The following TNIP3 variants were observed in gnomAD, a reference collection of about 807,000 sequenced individuals.
TNIP3 encodes the protein TNFAIP3 interacting protein 3.
In TNIP3, 34 loss-of-function variants were observed where a neutral mutation model predicts 54.1. The observed-to-expected ratio is 0.63, with a 90% CI of 0.48 to 0.84. The LOEUF (loss-of-function observed/expected upper bound fraction) is 0.84, where lower values mean the gene tolerates loss of function less well. Ranked by LOEUF, TNIP3 falls within the 40% of genes least tolerant of loss-of-function variation. TNIP3 has a pLI of 0.00. For missense variants in TNIP3, 366 were observed against 387.6 expected (o/e 0.94, Z 0.47); for synonymous variants, 134 against 136.8 (o/e 0.98, Z 0.14).
At chr4:121,199,290 T>C (rs1394137483) in intron 2 of TNIP3, among the ~76,000 whole-genome samples, 1 of 152,188 alleles carries the variant, frequency 6.6e-6, no homozygotes, top group Non-Finnish European at 1.5e-5. Flanking sequence ...GTTAGTAAAA[T>C]ACTGATAATA....
intron 1 of TNIP3, among the ~76,000 whole-genome samples, chr4:121,225,639 A>G (rs906444366): frequency 6.6e-6 from 1 of 152,250 alleles, no homozygotes; most frequent in Non-Finnish European, 1.5e-5. Context: ...AAAAAGAGCT[A>G]AAGAGTAAAG....
At chr4:121,173,262 G>A (rs142057289) in intron 3 of TNIP3, among the ~76,000 whole-genome samples, 5 of 152,352 alleles carry the variant, frequency 3.3e-5, no homozygotes, top group African/African-American at 9.6e-5. Flanking sequence ...TGGGAATTAA[G>A]CGTTTTTGAG....
intron 3 of TNIP3, among the ~76,000 whole-genome samples, chr4:121,173,149 T>TA (rs1265360416): frequency 6.6e-6 from 1 of 152,218 alleles, no homozygotes; most frequent in East Asian, 1.9e-4. Context: ...TGGGTAGACG[T>TA]AAATAACACA....
intron 5 of TNIP3, 24 bp from the exon 6 acceptor site, chr4:121,150,243 GTT>G (rs1234169685): frequency 7.1e-7 from 1 of 1,414,108 alleles, no homozygotes; most frequent in Admixed American, 1.8e-5. Context: ...TAAGTACACT[GTT>G]GATCTAAGAT....
chr4:121,161,900 C>A (rs1730477319), intron 1 of TNIP3, among the ~76,000 whole-genome samples: 1 of 152,120 alleles, frequency 6.6e-6, no homozygotes, highest in East Asian at 1.9e-4. Context: ...GCTGTGGAAG[C>A]TGTCTGCCAT....
At chr4:121,147,305 G>T in intron 6 of TNIP3, 131 bp from the exon 7 acceptor site, 1 of 1,118,746 alleles carries the variant, frequency 8.9e-7, no homozygotes, top group Non-Finnish European at 1.2e-6. Flanking sequence ...CAGTGTCACT[G>T]TTTTGGAGCA....
intron 3 of TNIP3, among the ~76,000 whole-genome samples, chr4:121,178,908 A>G (rs1579448147): frequency 6.6e-6 from 1 of 152,222 alleles, no homozygotes; most frequent in Non-Finnish European, 1.5e-5. Context: ...GAGAAAACAC[A>G]TAGATACATA....
chr4:121,133,152 A>C (rs1404206114), intron 10 of TNIP3, among the ~76,000 whole-genome samples: 1 of 152,230 alleles, frequency 6.6e-6, no homozygotes, highest in Non-Finnish European at 1.5e-5. Context: ...ATTTTGATTG[A>C]GTACTATTTG....
chr4:121,135,387 C>T lies in TNIP3; in HGVS notation c.947-2725G>A, dbSNP rs535745368. On this transcript the variant is annotated intron_variant, in intron 10 of 10. Coordinates refer to ENST00000057513, the MANE Select transcript of TNIP3 (RefSeq NM_024873.6). ...TTTCAAATGCATGAAGTTACTTCTT[C>T]TTCTTTTTTTTTATTTTTTTTTATT... Among the ~76,000 whole-genome samples, 7 of 152,024 alleles carry T rather than the reference C, an allele frequency of 4.6e-5. No homozygotes were observed. The East Asian group carries it at 1.4e-3, about 29-fold the overall frequency.
At chr4:121,156,590 G>A (rs2148811513) in intron 4 of TNIP3, among the ~76,000 whole-genome samples, 1 of 152,256 alleles carries the variant, frequency 6.6e-6, no homozygotes, top group South Asian at 2.1e-4. Context: ...TGTTAAATGA[G>A]ATAATGAGGA....
chr4:121,135,510 A>T (rs1005136962), intron 10 of TNIP3, among the ~76,000 whole-genome samples: 1 of 151,916 alleles, frequency 6.6e-6, no homozygotes, highest in East Asian at 1.9e-4. Flanking sequence ...TGATCCTCCT[A>T]CCTTAGTCTC....
chr4:121,158,943 G>A lies in TNIP3; in HGVS notation c.148-191C>T, dbSNP rs1424976044. On this transcript the variant is annotated intron_variant, in intron 2 of 10. Coordinates refer to ENST00000057513, the MANE Select transcript of TNIP3 (RefSeq NM_024873.6). ...CACTCTCACTGTTTATAACTGGTTC[G>A]TATATGAAAAACTACTGGCTGGGTC... 4.6e-5 allele frequency among the ~76,000 whole-genome samples: 7 copies of A among 152,258 alleles called. No individual in the cohort carries two copies. In the East Asian group the frequency reaches 5.8e-4, roughly 13 times the overall value.
chr4:121,214,661 A>G (rs1726682268), intron 2 of TNIP3, among the ~76,000 whole-genome samples: 1 of 152,072 alleles, frequency 6.6e-6, no homozygotes, highest in Admixed American at 6.5e-5. Flanking sequence ...TGCTTCTGCT[A>G]CCAAAGGAGG....
chr4:121,194,638 C>T (rs998774305), intron 2 of TNIP3, among the ~76,000 whole-genome samples: 1 of 152,076 alleles, frequency 6.6e-6, no homozygotes. Flanking sequence ...ATGAAATACT[C>T]CCATCATAAT....
intron 2 of TNIP3, among the ~76,000 whole-genome samples, chr4:121,194,690 C>G (rs553040212): frequency 6.6e-6 from 1 of 152,010 alleles, no homozygotes; most frequent in African/African-American, 2.4e-5. Flanking sequence ...TAAACAAAAC[C>G]CCTAAACCTT....
At chr4:121,190,250 T>TTACTCA (rs1417855881) in intron 2 of TNIP3, among the ~76,000 whole-genome samples, 1 of 152,210 alleles carries the variant, frequency 6.6e-6, no homozygotes, top group African/African-American at 2.4e-5. Flanking sequence ...CCTGGCGTGT[T>TTACTCA]TACTCATATT....
intron 3 of TNIP3, among the ~76,000 whole-genome samples, chr4:121,174,776 A>C (rs1724208080): frequency 6.6e-6 from 1 of 152,176 alleles, no homozygotes; most frequent in African/African-American, 2.4e-5. Context: ...CTCTCCCCAC[A>C]AGTACAAAAT....
chr4:121,153,830 T>C (rs1273858805), intron 5 of TNIP3, among the ~76,000 whole-genome samples: 2 of 152,334 alleles, frequency 1.3e-5, no homozygotes, highest in East Asian at 3.9e-4. Flanking sequence ...GTTGCTTTTA[T>C]CATGAAATAT....
chr4:121,137,359 A>G (rs1167979511), intron 10 of TNIP3: 1 of 152,218 alleles, frequency 6.6e-6, no homozygotes, highest in Non-Finnish European at 1.5e-5. Context: ...CTAATAAAAC[A>G]ACTCCATTAT....
Sources: allele counts gnomAD v4.1 joint callset (sites outside exome capture counted in the v4.1 genomes callset), GRCh38; gene constraint gnomAD v4.1.1; transcripts MANE v1.5; gene names NCBI Gene and HGNC (gene_info 2026-07-23, HGNC 2026-07-21).